The following FGGY variants were observed in gnomAD, a reference collection of about 807,000 sequenced individuals.
The protein encoded by FGGY is FGGY carbohydrate kinase domain containing.
Under a neutral mutation model 71.3 loss-of-function variants are expected in FGGY, and 72 were observed. The ratio of observed to expected loss-of-function variants is 1.01; its 90% confidence interval spans 0.84 to 1.23. FGGY has a LOEUF of 1.23. Ranked by LOEUF, FGGY falls within the 50% of genes most tolerant of loss-of-function variation. FGGY has a pLI of 0.00. For synonymous variants in FGGY, 251 were observed against 250.3 expected (o/e 1.00, Z -0.02); for missense variants, 668 against 682.3 (o/e 0.98, Z 0.23).
intron 14 of FGGY, among the ~76,000 whole-genome samples, chr1:59,745,550 C>A (rs1265703817): frequency 6.6e-6 from 1 of 152,194 alleles, no homozygotes; most frequent in Admixed American, 6.5e-5. Flanking sequence ...AGTGTTCAGA[C>A]CCTGCGGCCT....
At chr1:59,369,419 T>A (rs892362023) in intron 4 of FGGY, among the ~76,000 whole-genome samples, 5 of 152,200 alleles carry the variant, frequency 3.3e-5, no homozygotes, top group African/African-American at 9.7e-5. Flanking sequence ...GAAGCTCAAC[T>A]GGGTGGAGCC....
intron 6 of FGGY, among the ~76,000 whole-genome samples, chr1:59,460,591 ACT>A (rs1488558406): frequency 1.3e-5 from 2 of 152,226 alleles, no homozygotes; most frequent in African/African-American, 2.4e-5. Flanking sequence ...AACTGGACAG[ACT>A]GCCTCCTCAA....
At chr1:59,594,943 T>G (rs1558485517) in intron 8 of FGGY, among the ~76,000 whole-genome samples, 1 of 152,220 alleles carries the variant, frequency 6.6e-6, no homozygotes, top group Non-Finnish European at 1.5e-5. Context: ...TGGGCAGTAC[T>G]CTGACCCTTG....
intron 5 of FGGY, among the ~76,000 whole-genome samples, chr1:59,397,126 T>G (rs980807661): frequency 4.3e-4 from 65 of 152,068 alleles, no homozygotes; most frequent in African/African-American, 1.5e-3. Context: ...AAGAGGCCAT[T>G]GCTGAAAGTC....
intron 3 of FGGY, among the ~76,000 whole-genome samples, chr1:59,345,127 T>C (rs1339461291): frequency 6.6e-6 from 1 of 152,174 alleles, no homozygotes; most frequent in African/African-American, 2.4e-5. Context: ...GAGGATTAAA[T>C]GTGATGATAT....
At chr1:59,592,969 AT>A (rs1276248516) in intron 8 of FGGY, among the ~76,000 whole-genome samples, 1 of 136,698 alleles carries the variant, frequency 7.3e-6, no homozygotes, top group Non-Finnish European at 1.5e-5. Context: ...AAATAAAAAA[AT>A]AAAAGAGAAA....
Position 59,321,672 on chromosome 1 carries a change from T to G in FGGY, c.123T>G (p.Ile41Met). ...GVLLAFADQP[I>M]KNWEPQFNHH... ...TGTTGGCTTTTGCAGACCAGCCAAT[T>G]AAGAATTGGGAGCCCCAGTTCAACC... Residue 41 changes from isoleucine to methionine, a missense_variant, in exon 2 of 16, where the codon ATT (isoleucine) becomes ATG (methionine). Physicochemically the swap from Ile to Met is conservative, Grantham distance 10. Transcript: ENST00000303721. The G allele has an allele frequency of 6.2e-7, 1 of 1,613,382 alleles. No individual in the cohort carries two copies. The highest frequency in any genetic ancestry group is 8.5e-7 in the Non-Finnish European group (1 of 1,179,642).
At position 59,626,854 on chromosome 1, in the gene FGGY, C is replaced by CA. The variant is rs113012886; in HGVS notation, c.1073+817dup. ...TGGGCAATAAAGTGAGACTCCGTCT[C>CA]AAAAAAAAAAAAGAAATACAGGAAG... On this transcript the variant is annotated intron_variant, in intron 10 of 15. Transcript: ENST00000303721. 3.8e-3 allele frequency: 448 copies of CA among 119,236 alleles called. 2 individuals are homozygous for CA. The highest frequency in any genetic ancestry group is 5.0e-3 in the African/African-American group (160 of 32,150). The allele number at this position is 119,236 out of a possible 1,614,324, so 7.4% of individuals were successfully genotyped here. A position where few individuals can be genotyped will look rare whatever the true frequency, so the allele number is the denominator to read the frequency against.
intron 7 of FGGY, among the ~76,000 whole-genome samples, chr1:59,538,049 A>C (rs899574550): frequency 6.6e-6 from 1 of 152,184 alleles, no homozygotes; most frequent in Non-Finnish European, 1.5e-5. Context: ...CTACCATCAG[A>C]CTGAACAGGC....
chr1:59,423,979 A>T (rs2065891385), intron 5 of FGGY, among the ~76,000 whole-genome samples: 2 of 152,214 alleles, frequency 1.3e-5, no homozygotes, highest in African/African-American at 4.8e-5. Context: ...CTCCAAGGGG[A>T]GGCAAGGTGT....
chr1:59,549,690 A>G (rs534722570), intron 7 of FGGY, among the ~76,000 whole-genome samples: 3 of 152,234 alleles, frequency 2.0e-5, no homozygotes, highest in East Asian at 1.9e-4. Context: ...TTTTTCTTCT[A>G]TATAACCTTG....
At chr1:59,691,528 G>C (rs577818698) in intron 14 of FGGY, among the ~76,000 whole-genome samples, 6 of 152,252 alleles carry the variant, frequency 3.9e-5, no homozygotes, top group African/African-American at 1.4e-4. Flanking sequence ...TTTCCGTCTG[G>C]GGATCTGACC....
chr1:59,723,226 T>C (rs1385644351), intron 14 of FGGY, among the ~76,000 whole-genome samples: 4 of 152,322 alleles, frequency 2.6e-5, no homozygotes, highest in Admixed American at 2.0e-4. Context: ...GAAATGTGTA[T>C]GTACCCTAAC....
intron 10 of FGGY, among the ~76,000 whole-genome samples, chr1:59,627,454 T>TTATATATATATATATATATATA (rs60500862): frequency 1.0e-4 from 10 of 97,330 alleles, no homozygotes; most frequent in African/African-American, 2.3e-4. Flanking sequence ...ACTTATGATT[T>TTATATATATATATATATATATA]TATATATATA....
Position 59,673,913 on chromosome 1 carries a change from A to G in FGGY, c.1418-126A>G, listed in dbSNP as rs988658287. Reference sequence around the variant, plus strand: ...CAAGGAATAAAGAAGGGAGGACTGCAGGGAGTCGGGCGGGGGGCCTGCTGC... The same window carrying G: ...CAAGGAATAAAGAAGGGAGGACTGCGGGGAGTCGGGCGGGGGGCCTGCTGC... On this transcript the variant is annotated intron_variant, in intron 13 of 15. Coordinates refer to ENST00000303721, the MANE Select transcript of FGGY (RefSeq NM_018291.5). 5 of 692,410 alleles carry G rather than the reference A, an allele frequency of 7.2e-6. No individual in the cohort carries two copies. In the African/African-American group the frequency reaches 8.9e-5, roughly 12 times the overall value. 42.9% of individuals were successfully genotyped at this position (692,410 alleles called of 1,614,324 possible).
chr1:59,471,119 T>C (rs1392267874), intron 6 of FGGY, among the ~76,000 whole-genome samples: 24 of 152,188 alleles, frequency 1.6e-4, no homozygotes, highest in Admixed American at 1.4e-3. Context: ...TCCACACATA[T>C]ATCAAGGGGG....
At chr1:59,369,621 C>G (rs965797014) in intron 4 of FGGY, among the ~76,000 whole-genome samples, 2 of 152,182 alleles carry the variant, frequency 1.3e-5, no homozygotes, top group Non-Finnish European at 2.9e-5. Context: ...CAAGTGGGTC[C>G]CTGACCCCTG....
At chr1:59,589,211 A>T (rs1005318451) in intron 8 of FGGY, among the ~76,000 whole-genome samples, 10 of 150,290 alleles carry the variant, frequency 6.7e-5, no homozygotes, top group African/African-American at 2.5e-4. Flanking sequence ...AAATAATGGT[A>T]AAGGGATCAA....
chr1:59,465,857 G>T lies in FGGY; in HGVS notation c.670+8781G>T, dbSNP rs552582322. Among the ~76,000 whole-genome samples the T allele has an allele frequency of 4.8e-4, 73 of 152,160 alleles. 1 individual carries two copies. Among genetic ancestry groups the T allele is most frequent in the South Asian group, 1.5e-3 (7 of 4,822 alleles). On this transcript the variant is annotated intron_variant, in intron 6 of 15. Transcript: ENST00000303721. ...ACCACTGCTCAATGAAATAAAAGAG[G>T]ACACAAACAAATGGAAGAACATTGC... is the stretch of plus-strand genomic sequence containing the variant.
Sources: allele counts gnomAD v4.1 joint callset (sites outside exome capture counted in the v4.1 genomes callset), GRCh38; gene constraint gnomAD v4.1.1; transcripts MANE v1.5; gene names NCBI Gene and HGNC (gene_info 2026-07-23, HGNC 2026-07-21).